Variants in ANKFN1 observed in about 807,000 individuals in gnomAD.
ANKFN1 encodes the protein ankyrin repeat and fibronectin type-III domain-containing protein 1.
A neutral mutation model predicts 108.7 loss-of-function variants in ANKFN1; 74 were observed. The ratio of observed to expected loss-of-function variants is 0.68; its 90% confidence interval spans 0.56 to 0.83. The LOEUF (loss-of-function observed/expected upper bound fraction) is 0.83. ANKFN1 is among the 40% of genes least tolerant of loss of function. The pLI is 0.00. For missense variants in ANKFN1, 1,505 were observed against 1,382.3 expected (o/e 1.09, Z -1.41); for synonymous variants, 547 against 516.2 (o/e 1.06, Z -0.81).
chr17:56,496,807 G>A (rs1427219745), intron 19 of ANKFN1, among the ~76,000 whole-genome samples: 1 of 152,020 alleles, frequency 6.6e-6, no homozygotes, highest in African/African-American at 2.4e-5. Context: ...CTTAAGATAT[G>A]GATGTATTAT....
At chr17:56,349,270 T>A (rs1397412050) in intron 4 of ANKFN1, among the ~76,000 whole-genome samples, 2 of 152,030 alleles carry the variant, frequency 1.3e-5, no homozygotes, top group Non-Finnish European at 2.9e-5. Context: ...GAAGAATAGC[T>A]AATGGATGCT....
At chr17:56,162,536 T>C (rs1443673796) in intron 1 of ANKFN1, among the ~76,000 whole-genome samples, 2 of 152,202 alleles carry the variant, frequency 1.3e-5, no homozygotes, top group Non-Finnish European at 2.9e-5. Flanking sequence ...AGGGTCCACT[T>C]TAATGACTTT....
At chr17:56,133,985 C>A (rs1057399517) in intron 4 of ANKFN1, among the ~76,000 whole-genome samples, 1 of 152,056 alleles carries the variant, frequency 6.6e-6, no homozygotes, top group Non-Finnish European at 1.5e-5. Context: ...AGACTTACCC[C>A]AACTTTTGAT....
intron 4 of ANKFN1, among the ~76,000 whole-genome samples, chr17:56,087,818 C>A (rs1905344228): frequency 6.6e-6 from 1 of 151,340 alleles, no homozygotes; most frequent in African/African-American, 2.4e-5. Flanking sequence ...GCGGCTTTGG[C>A]ACTGCAATGT....
chr17:56,431,254 G>A (rs1178687883), intron 8 of ANKFN1, among the ~76,000 whole-genome samples: 3 of 152,150 alleles, frequency 2.0e-5, no homozygotes, highest in Non-Finnish European at 4.4e-5. Flanking sequence ...TAAATGGATA[G>A]AATTACTAAA....
intron 3 of ANKFN1, among the ~76,000 whole-genome samples, chr17:56,293,327 A>T (rs2044416245): frequency 6.6e-6 from 1 of 152,196 alleles, no homozygotes; most frequent in South Asian, 2.1e-4. Context: ...TTTTGAATTC[A>T]TTGTATCACA....
At chr17:56,090,500 G>T (rs1905392241) in intron 4 of ANKFN1, among the ~76,000 whole-genome samples, 1 of 151,116 alleles carries the variant, frequency 6.6e-6, no homozygotes, top group Non-Finnish European at 1.5e-5. Flanking sequence ...TGTGCTTAGG[G>T]TATTCTCCTG....
At chr17:56,181,310 T>TA (rs1029317334) in intron 1 of ANKFN1, among the ~76,000 whole-genome samples, 2 of 152,146 alleles carry the variant, frequency 1.3e-5, no homozygotes, top group African/African-American at 4.8e-5. Context: ...AAAGCTTTTT[T>TA]AAAAAAAGTA....
At chr17:56,170,837 T>C (rs62072993) in intron 1 of ANKFN1, among the ~76,000 whole-genome samples, 9,110 of 82,076 alleles carry the variant, frequency 0.11, 390 homozygotes, top group East Asian at 0.33. Context: ...CACACACATA[T>C]ACACACATAT....
chr17:56,324,354 A>G (rs1194091405), intron 3 of ANKFN1, among the ~76,000 whole-genome samples: 1 of 152,208 alleles, frequency 6.6e-6, no homozygotes, highest in East Asian at 1.9e-4. Context: ...TACATGGATG[A>G]ATTAATGAAT....
intron 4 of ANKFN1, among the ~76,000 whole-genome samples, chr17:56,071,455 T>A (rs2143138463): frequency 1.3e-5 from 2 of 152,312 alleles, no homozygotes; most frequent in South Asian, 4.1e-4. Context: ...AAAAACTCCC[T>A]CAATAATACT....
At chr17:56,080,912 G>T (rs1333556574) in intron 4 of ANKFN1, among the ~76,000 whole-genome samples, 1 of 152,158 alleles carries the variant, frequency 6.6e-6, no homozygotes, top group African/African-American at 2.4e-5. Flanking sequence ...GCTACTGATG[G>T]CTTATCACGC....
At chr17:56,277,121 G>C (rs1408307985) in intron 3 of ANKFN1, among the ~76,000 whole-genome samples, 1 of 152,180 alleles carries the variant, frequency 6.6e-6, no homozygotes, top group Non-Finnish European at 1.5e-5. Flanking sequence ...CCACTACCAT[G>C]TAAGGGAATG....
At chr17:56,449,484 C>A (rs1483822508) in intron 11 of ANKFN1, among the ~76,000 whole-genome samples, 1 of 152,072 alleles carries the variant, frequency 6.6e-6, no homozygotes, top group East Asian at 1.9e-4. Context: ...TCACAAGAGT[C>A]CTCAACGGGG....
At chr17:56,229,658 T>C (rs1916555909) in intron 3 of ANKFN1, among the ~76,000 whole-genome samples, 2 of 101,608 alleles carry the variant, frequency 2.0e-5, no homozygotes, top group African/African-American at 8.9e-5. Context: ...ACCTTTCAGA[T>C]TGCAAAAAAA....
chr17:56,058,138 CA>C (rs1288723250), intron 4 of ANKFN1, among the ~76,000 whole-genome samples: 3 of 152,170 alleles, frequency 2.0e-5, no homozygotes, highest in African/African-American at 7.2e-5. Flanking sequence ...GGTAAATGAA[CA>C]ATGGCTTCAA....
At chr17:56,384,511 C>G (rs1361017036) in intron 8 of ANKFN1, among the ~76,000 whole-genome samples, 1 of 152,122 alleles carries the variant, frequency 6.6e-6, no homozygotes, top group Non-Finnish European at 1.5e-5. Context: ...AAAGGGTATT[C>G]AATTAGGAAA....
At chr17:56,187,239 G>GA (rs1322457148) in intron 1 of ANKFN1, among the ~76,000 whole-genome samples, 14 of 152,060 alleles carry the variant, frequency 9.2e-5, no homozygotes, top group African/African-American at 1.2e-4. Context: ...AAATTTGCAA[G>GA]AAAAAATCAA....
intron 4 of ANKFN1, among the ~76,000 whole-genome samples, chr17:56,344,484 A>C (rs2046043926): frequency 6.6e-6 from 1 of 152,030 alleles, no homozygotes; most frequent in African/African-American, 2.4e-5. Flanking sequence ...AGAGCCATGA[A>C]GTCAGACAGA....
Sources: allele counts gnomAD v4.1 joint callset (sites outside exome capture counted in the v4.1 genomes callset), GRCh38; gene constraint gnomAD v4.1.1; transcripts MANE v1.5; gene names NCBI Gene and HGNC (gene_info 2026-07-23, HGNC 2026-07-21).